MTBP: variants seen among roughly 807,000 people sequenced by gnomAD.
MTBP encodes mdm2-binding protein.
Under a neutral mutation model 117.0 loss-of-function variants are expected in MTBP, and 101 were observed. That is an observed-to-expected ratio of 0.86 (90% confidence interval 0.73 to 1.02). MTBP has a LOEUF of 1.02. MTBP is among the 50% of genes least tolerant of loss of function. MTBP has a pLI of 0.00. For missense variants in MTBP, 970 were observed against 1,030.9 expected, an observed-to-expected ratio of 0.94 and a Z score of 0.81; for synonymous variants, 350 against 351.5, an observed-to-expected ratio of 1.00 and a Z score of 0.05.
intron 6 of MTBP, 148 bp from the exon 7 acceptor site, chr8:120,456,405 A>G (rs958405364): frequency 1.3e-5 from 7 of 548,870 alleles, no homozygotes; most frequent in Non-Finnish European, 2.3e-5. Flanking sequence ...GCACTTAGAG[A>G]CTGACTTAAT....
chr8:120,499,439 A>G (rs535432630), intron 14 of MTBP, among the ~76,000 whole-genome samples: 368 of 152,256 alleles, frequency 2.4e-3, no homozygotes, highest in Non-Finnish European at 3.8e-3. Context: ...CATTTATTGA[A>G]TAAATGAAAG....
At chr8:120,486,007 T>G (rs1366352923) in intron 11 of MTBP, among the ~76,000 whole-genome samples, 1 of 152,206 alleles carries the variant, frequency 6.6e-6, no homozygotes. Context: ...ATTGCCATCT[T>G]CACTAATTGC....
chr8:120,476,218 A>G (rs1042938352), intron 11 of MTBP, among the ~76,000 whole-genome samples: 6 of 152,174 alleles, frequency 3.9e-5, no homozygotes, highest in Admixed American at 2.6e-4. Context: ...CCTTCATGCT[A>G]AAACTCTCAA....
intron 5 of MTBP, among the ~76,000 whole-genome samples, 175 bp from the exon 6 acceptor site, chr8:120,455,260 G>A (rs1223624157): frequency 4.0e-5 from 6 of 151,860 alleles, no homozygotes; most frequent in Admixed American, 2.0e-4. Flanking sequence ...TCCTAAGGGC[G>A]TATATTGTTT....
At position 120,480,674 on chromosome 8, in the gene MTBP, A is replaced by G. The variant is rs185784636; in HGVS notation, c.1166-7485A>G. Among the ~76,000 whole-genome samples the G allele has an allele frequency of 3.7e-3, 566 of 152,236 alleles. 2 individuals carry two copies. The highest frequency in any genetic ancestry group is 8.2e-3 in the Admixed American group (126 of 15,284). On this transcript the variant is annotated intron_variant, in intron 11 of 21. Transcript: ENST00000305949. ...ACTGCTGGAAGAATTGGATATGCAT[A>G]TGTAAAAATTATGTATATATATTTA...
intron 7 of MTBP, 113 bp downstream of exon 7, chr8:120,456,783 C>G (rs1311404375): frequency 1.5e-6 from 1 of 681,870 alleles, no homozygotes; most frequent in Non-Finnish European, 2.6e-6. Context: ...TAGAATAGCA[C>G]TAAGTAGAAC....
chr8:120,499,320 T>C (rs1814532638), intron 14 of MTBP, among the ~76,000 whole-genome samples: 1 of 152,184 alleles, frequency 6.6e-6, no homozygotes, highest in South Asian at 2.1e-4. Flanking sequence ...GATTTAAATG[T>C]AACTTTCTCA....
At chr8:120,474,280 T>C (rs1328912887) in intron 11 of MTBP, among the ~76,000 whole-genome samples, 2 of 152,024 alleles carry the variant, frequency 1.3e-5, no homozygotes, top group Admixed American at 6.6e-5. Context: ...AAAAAAATCT[T>C]AGAAGTAGAA....
chr8:120,503,918 C>G (rs1814635909), intron 15 of MTBP, among the ~76,000 whole-genome samples: 1 of 152,002 alleles, frequency 6.6e-6, no homozygotes, highest in African/African-American at 2.4e-5. Flanking sequence ...GAGTGGTGTT[C>G]TTCTGGGGTA....
At chr8:120,518,439 CA>C (rs1170858198) in intron 19 of MTBP, among the ~76,000 whole-genome samples, 1 of 151,980 alleles carries the variant, frequency 6.6e-6, no homozygotes, top group Non-Finnish European at 1.5e-5. Flanking sequence ...GTAACTTTAA[CA>C]CTCAGATTTC....
intron 11 of MTBP, among the ~76,000 whole-genome samples, chr8:120,475,827 T>C (rs1280045958): frequency 1.3e-5 from 2 of 152,014 alleles, no homozygotes; most frequent in Non-Finnish European, 2.9e-5. Context: ...TTGCCGTGTT[T>C]ACAGAGATAT....
intron 14 of MTBP, 82 bp downstream of exon 14, chr8:120,497,636 TG>T: frequency 2.4e-6 from 2 of 841,530 alleles, no homozygotes; most frequent in Admixed American, 6.4e-5. Flanking sequence ...TAAAATGTAT[TG>T]GTCAAATCAA....
intron 19 of MTBP, 103 bp from the exon 20 acceptor site, chr8:120,518,601 C>T: frequency 1.5e-6 from 1 of 688,798 alleles, no homozygotes. Context: ...TCTTTTAGCA[C>T]AGCAAAATGA....
At position 120,461,247 on chromosome 8, in the gene MTBP, A is replaced by G. The variant is rs775261331; in HGVS notation, c.969A>G (p.Glu323=). Residue 323 remains glutamate, a synonymous_variant, in exon 9 of 22, where the codon GAA becomes GAG. Coordinates refer to ENST00000305949, the MANE Select transcript of MTBP (RefSeq NM_022045.5). ...CCTCCTGCTATATGTCGGATATTGA[A>G]TTTGAGTTGTATCCTTTCATTTACA... The part of the protein sequence containing the change: ...DLPSCYMSDI[E]FELGLTNSTK... 2.4e-5 allele frequency: 38 copies of G among 1,582,622 alleles called. No individual in the cohort carries two copies. In the South Asian group the frequency reaches 3.4e-4, roughly 14 times the overall value.
At chr8:120,495,772 A>G (rs184627294) in intron 13 of MTBP, among the ~76,000 whole-genome samples, 1 of 151,290 alleles carries the variant, frequency 6.6e-6, no homozygotes, top group Non-Finnish European at 1.5e-5. Context: ...TTTTTTCTTT[A>G]TCAAAGCATC....
In MTBP at chr8:120,497,523, G is replaced by A. The variant is rs1277649484; in HGVS notation, c.1578G>A (p.Met526Ile). 1.3e-6 allele frequency: 2 copies of A among 1,558,508 alleles called. No homozygotes were observed. The highest frequency in any genetic ancestry group is 2.3e-5 in the East Asian group (1 of 43,978). The change falls in exon 14 of 22, where the codon ATG (methionine) becomes ATA (isoleucine). Residue 526 changes from methionine to isoleucine, a missense_variant. Coordinates refer to ENST00000305949, the MANE Select transcript of MTBP (RefSeq NM_022045.5). ...AVIPKMILRK[M>I]DKIKTFNILN... Reference sequence around the variant, plus strand: ...TTCCTAAAATGATTCTAAGAAAGATGGACAAAATTAAAACCTTCAATATAT... The same window carrying A: ...TTCCTAAAATGATTCTAAGAAAGATAGACAAAATTAAAACCTTCAATATAT...
intron 17 of MTBP, among the ~76,000 whole-genome samples, chr8:120,511,914 A>G (rs1329893815): frequency 1.3e-5 from 2 of 152,128 alleles, no homozygotes; most frequent in African/African-American, 4.8e-5. Flanking sequence ...AATATAAAAT[A>G]TTGACTCTGC....
intron 17 of MTBP, among the ~76,000 whole-genome samples, chr8:120,514,689 T>C (rs1435444911): frequency 2.0e-5 from 3 of 152,072 alleles, no homozygotes; most frequent in Admixed American, 2.0e-4. Context: ...ACTGCCAGCT[T>C]TACTGTGGTA....
chr8:120,490,258 A>T (rs7839548), intron 12 of MTBP, among the ~76,000 whole-genome samples: 31,577 of 152,160 alleles, frequency 0.21, 3,450 homozygotes, highest in Middle Eastern at 0.27. Flanking sequence ...GTCAATGTTT[A>T]AAATGCAAAA....
Sources: allele counts gnomAD v4.1 joint callset (sites outside exome capture counted in the v4.1 genomes callset), GRCh38; gene constraint gnomAD v4.1.1; transcripts MANE v1.5; gene names NCBI Gene and HGNC (gene_info 2026-07-23, HGNC 2026-07-21).